Variants in RELN observed in about 807,000 individuals in gnomAD.
RELN encodes reelin.
Under a neutral mutation model 427.6 loss-of-function variants are expected in RELN, and 108 were observed. The ratio of observed to expected loss-of-function variants is 0.25; its 90% CI spans 0.22 to 0.30. The LOEUF (loss-of-function observed/expected upper bound fraction) is 0.30, where lower values mean the gene tolerates loss of function less well. Ranked by LOEUF, RELN falls within the 10% of genes least tolerant of loss-of-function variation. The pLI, the probability that RELN is intolerant of heterozygous loss-of-function variation, is 1.00. For missense variants in RELN, 3,715 were observed against 4,302.8 expected, an observed-to-expected ratio of 0.86 and a Z score of 3.82; for synonymous variants, 1,524 against 1,513.4, an observed-to-expected ratio of 1.01 and a Z score of -0.16.
At chr7:103,589,524 A>G in intron 28 of RELN, 72 bp downstream of exon 28, 1 of 993,406 alleles carries the variant, frequency 1.0e-6, no homozygotes. Flanking sequence ...CAGGATTACA[A>G]CATTTAGGGT....
At chr7:103,983,637 A>G (rs935921021) in intron 1 of RELN, among the ~76,000 whole-genome samples, 26 of 152,242 alleles carry the variant, frequency 1.7e-4, no homozygotes, top group African/African-American at 6.3e-4. Flanking sequence ...AATCAGGTAA[A>G]GAGGGTGGAT....
chr7:103,591,310 G>A (rs1831410722), intron 27 of RELN, among the ~76,000 whole-genome samples: 1 of 152,006 alleles, frequency 6.6e-6, no homozygotes. Flanking sequence ...AACATGATAC[G>A]ACAAAAAAAT....
chr7:103,800,139 C>T (rs1563020907), intron 3 of RELN, among the ~76,000 whole-genome samples: 1 of 152,154 alleles, frequency 6.6e-6, no homozygotes, highest in Non-Finnish European at 1.5e-5. Context: ...CTGGCCAGGG[C>T]AATCAGGCAA....
At chr7:103,778,750 A>C (rs1791812522) in intron 3 of RELN, among the ~76,000 whole-genome samples, 1 of 152,238 alleles carries the variant, frequency 6.6e-6, no homozygotes, top group Non-Finnish European at 1.5e-5. Context: ...ATTTCTAAAG[A>C]ATAATGACAG....
intron 16 of RELN, among the ~76,000 whole-genome samples, chr7:103,644,697 A>C (rs1392590372): frequency 6.6e-6 from 1 of 151,784 alleles, no homozygotes; most frequent in Non-Finnish European, 1.5e-5. Context: ...AAAACTCTGG[A>C]AAGTCTATTT....
Position 103,983,357 on chromosome 7 carries a change from T to G in RELN, c.226+5774A>C, listed in dbSNP as rs1797031057. On this transcript the variant is annotated intron_variant, in intron 1 of 64. Coordinates refer to ENST00000428762, the MANE Select transcript of RELN (RefSeq NM_005045.4). ...AACCCTTCAGAAGCTCTGCCTTCAATGAGATGGGCATGGCAGGTGACTGTG... is the reference window on the plus strand; with the variant it reads ...AACCCTTCAGAAGCTCTGCCTTCAAGGAGATGGGCATGGCAGGTGACTGTG... Among the ~76,000 whole-genome samples the G allele has an allele frequency of 2.0e-5, 3 of 152,260 alleles. No individual in the cohort carries two copies. In the South Asian group the frequency reaches 6.2e-4, roughly 32 times the overall value.
In RELN at chr7:103,796,602, C is replaced by G. The variant is rs373425244; in HGVS notation, c.474-19975G>C. Among the ~76,000 whole-genome samples the G allele has an allele frequency of 3.3e-5, 5 of 152,154 alleles. No individual in the cohort carries two copies. The East Asian group carries it at 9.7e-4, about 29-fold the overall frequency. ...AATGGATACAGTCTGGGTGTGGTGA[C>G]GAACGACTGTAATCCCAGTACTCTG... On this transcript the variant is annotated intron_variant, in intron 3 of 64. Transcript: ENST00000428762.
chr7:103,675,985 C>T (rs1158255442), intron 11 of RELN, among the ~76,000 whole-genome samples: 3 of 152,068 alleles, frequency 2.0e-5, no homozygotes, highest in Admixed American at 6.6e-5. Flanking sequence ...TGGGCAAGGA[C>T]TTCATGTCTA....
intron 2 of RELN, among the ~76,000 whole-genome samples, chr7:103,849,288 C>T (rs996910328): frequency 1.4e-5 from 2 of 147,632 alleles, no homozygotes; most frequent in Non-Finnish European, 3.0e-5. Flanking sequence ...AACCGATCAC[C>T]AGGTCTTTCT....
chr7:103,908,916 T>C (rs1456359193), intron 2 of RELN, among the ~76,000 whole-genome samples: 1 of 152,192 alleles, frequency 6.6e-6, no homozygotes, highest in Non-Finnish European at 1.5e-5. Flanking sequence ...AGTCTTCTTG[T>C]TAATTACAGA....
At chr7:103,950,160 C>T (rs1796305084) in intron 1 of RELN, among the ~76,000 whole-genome samples, 2 of 152,082 alleles carry the variant, frequency 1.3e-5, no homozygotes, top group African/African-American at 4.8e-5. Context: ...TCTGGGCTAT[C>T]TTTTATAAGG....
At chr7:103,664,201 G>T (rs912162344) in intron 11 of RELN, among the ~76,000 whole-genome samples, 96 of 152,280 alleles carry the variant, frequency 6.3e-4, no homozygotes, top group African/African-American at 2.2e-3. Flanking sequence ...GTGTTTGGGG[G>T]AATGACCATA....
intron 3 of RELN, among the ~76,000 whole-genome samples, chr7:103,811,988 A>C (rs1792754694): frequency 1.3e-5 from 2 of 152,246 alleles, no homozygotes; most frequent in African/African-American, 2.4e-5. Flanking sequence ...GGTGAGAATG[A>C]TGCTAGTTAT....
intron 2 of RELN, among the ~76,000 whole-genome samples, chr7:103,860,306 T>A (rs1440275627): frequency 6.6e-6 from 1 of 152,172 alleles, no homozygotes; most frequent in Non-Finnish European, 1.5e-5. Context: ...ATTAAGGTAT[T>A]AAGTTTTTGT....
At chr7:103,734,969 G>T (rs1028485459) in intron 6 of RELN, among the ~76,000 whole-genome samples, 4 of 151,930 alleles carry the variant, frequency 2.6e-5, no homozygotes, top group African/African-American at 7.2e-5. Flanking sequence ...GAATTCACTG[G>T]GCTGAAGTAC....
intron 63 of RELN, 176 bp downstream of exon 63, chr7:103,482,697 G>A (rs1828284294): frequency 2.4e-6 from 2 of 842,084 alleles, no homozygotes; most frequent in African/African-American, 1.8e-5. Flanking sequence ...TCGGGGCTTT[G>A]CTATTTCACT....
At chr7:103,756,569 A>G (rs1791160581) in intron 4 of RELN, among the ~76,000 whole-genome samples, 1 of 152,178 alleles carries the variant, frequency 6.6e-6, no homozygotes, top group African/African-American at 2.4e-5. Context: ...TAGTTGTAAT[A>G]TATTTTATGA....
At chr7:103,773,106 T>TTCTTTCTC (rs1791613609) in intron 4 of RELN, among the ~76,000 whole-genome samples, 1 of 35,966 alleles carries the variant, frequency 2.8e-5, no homozygotes, top group Admixed American at 3.0e-4. Flanking sequence ...CCTCTTTTCT[T>TTCTTTCTC]TCTTTCTTTC....
At position 103,547,345 on chromosome 7, in the gene RELN, T is replaced by G. The variant is rs577536896; in HGVS notation, c.6303-2001A>C. On this transcript the variant is annotated intron_variant, in intron 41 of 64. Coordinates refer to ENST00000428762, the MANE Select transcript of RELN (RefSeq NM_005045.4). The stretch of plus-strand genomic sequence containing the variant: ...CCATCTTGCTCTTGTCGCCCAGGCT[T>G]GAGTGCAGTGGCACGATCTTGGCTC... Among the ~76,000 whole-genome samples the G allele has an allele frequency of 5.7e-3, 874 of 152,286 alleles. 2 individuals carry two copies. Among genetic ancestry groups the G allele is most frequent in the Non-Finnish European group, 8.8e-3 (597 of 68,026 alleles).
Sources: allele counts gnomAD v4.1 joint callset (sites outside exome capture counted in the v4.1 genomes callset), GRCh38; gene constraint gnomAD v4.1.1; transcripts MANE v1.5; gene names NCBI Gene and HGNC (gene_info 2026-07-23, HGNC 2026-07-21).